Variants in SETD4 observed in about 807,000 individuals in gnomAD.
SETD4 encodes SET domain-containing protein 4.
Under a neutral mutation model 58.3 loss-of-function variants are expected in SETD4, and 46 were observed. The observed-to-expected ratio is 0.79, with a 90% CI of 0.62 to 1.01. SETD4 has a LOEUF of 1.01. Ranked by LOEUF, SETD4 falls within the 50% of genes least tolerant of loss-of-function variation. The pLI, the probability that SETD4 is intolerant of heterozygous loss-of-function variation, is 0.00. For missense variants in SETD4, 490 were observed against 523.3 expected (o/e 0.94, Z 0.62); for synonymous variants, 190 against 202.6 (o/e 0.94, Z 0.53).
rs892412540 is a variant in SETD4 at position 36,058,792 on chromosome 21, C to T, written c.73+24G>A. 3 of 1,571,818 alleles carry T rather than the reference C, an allele frequency of 1.9e-6. No homozygotes were observed. In the Admixed American group the frequency reaches 6.2e-5, roughly 32 times the overall value. On this transcript the variant is annotated intron_variant, in intron 2 of 11. Transcript: ENST00000332131. ...CACAAAAGGATTTCTTTTTTCATTACTGGTACTAAAAGAAAAACCATACCT... is the reference window on the plus strand; with the variant it reads ...CACAAAAGGATTTCTTTTTTCATTATTGGTACTAAAAGAAAAACCATACCT...
intron 4 of SETD4, chr21:36,050,394 C>A (rs1456982407): frequency 1.2e-6 from 2 of 1,614,058 alleles, no homozygotes; most frequent in Non-Finnish European, 1.7e-6. Context: ...AAACTTGGGT[C>A]TGCGGATCAA....
Position 36,041,873 on chromosome 21 carries a change from TA to T in SETD4, c.916del (p.Tyr306IlefsTer16). The T allele has an allele frequency of 4.8e-6, 7 of 1,461,104 alleles. No homozygotes were observed. The South Asian group carries it at 7.7e-5, about 16-fold the overall frequency. 90.5% of individuals were successfully genotyped at this position (1,461,104 alleles called of 1,614,324 possible). ...VYVSREILVK[Y>X]LPSTDKQMDK... ...CATCTGTTTATCTGTTGATGGAAGA[TA>T]TTTAACAAGTATTTCTATATTCAAA... On this transcript the variant is annotated frameshift_variant, in exon 8 of 12. Transcript: ENST00000332131. LOFTEE classifies it high-confidence loss of function.
At chr21:36,051,995 C>CA (rs777138842) in intron 4 of SETD4, among the ~76,000 whole-genome samples, 40 of 142,150 alleles carry the variant, frequency 2.8e-4, no homozygotes, top group Middle Eastern at 3.5e-3. Flanking sequence ...TTCTTAATGA[C>CA]AAAAAAAAAA....
At chr21:36,049,731 T>G (rs2064544114) in intron 4 of SETD4, among the ~76,000 whole-genome samples, 1 of 152,260 alleles carries the variant, frequency 6.6e-6, no homozygotes, top group African/African-American at 2.4e-5. Context: ...ATGCAAACTG[T>G]ACACTTCACT....
intron 7 of SETD4, 174 bp downstream of exon 7, chr21:36,043,608 T>G: frequency 7.1e-7 from 1 of 1,411,592 alleles, no homozygotes; most frequent in Non-Finnish European, 9.2e-7. Context: ...TTGTTTTTAC[T>G]TCAACACTGA....
chr21:36,053,582 C>T lies in SETD4; in HGVS notation c.207+1G>A. 2 of 1,614,076 alleles carry T rather than the reference C, an allele frequency of 1.2e-6. No individual in the cohort carries two copies. Among genetic ancestry groups the T allele is most frequent in the Non-Finnish European group, 1.7e-6 (2 of 1,179,992 alleles). The stretch of plus-strand genomic sequence containing the variant: ...TTCAAGGATCAAAGAACAGTTCTCA[C>T]CTGCAGGGATGTTTGACTCATCAGC... On this transcript the variant is annotated splice_donor_variant, in intron 4 of 11. Transcript: ENST00000332131. LOFTEE classifies it high-confidence loss of function.
Position 36,058,816 on chromosome 21 carries a change from C to G in SETD4, c.73G>C (p.Val25Leu). ...ACTGGTACTAAAAGAAAAACCATAC[C>G]TCCTCTTGATTCAGAACTTCCGCAG... Reference protein sequence around the residue: ...KLCGSSESRGVNESHKSEFIE... With the variant: ...KLCGSSESRGLNESHKSEFIE... The change falls in exon 2 of 12, where the codon GTG (valine) becomes CTG (leucine). Residue 25 changes from valine to leucine, a missense_variant and splice_region_variant. Val to Leu is a conservative substitution (Grantham distance 32). Coordinates refer to ENST00000332131, the MANE Select transcript of SETD4 (RefSeq NM_017438.5). 6.3e-7 allele frequency: 1 copy of G among 1,595,754 alleles called. No homozygotes were observed. The highest frequency in any genetic ancestry group is 8.5e-7 in the Non-Finnish European group (1 of 1,173,928).
rs1347151020 is a variant in SETD4 at position 36,058,989 on chromosome 21, T to C, written c.-36-65A>G. The C allele has an allele frequency of 4.2e-6, 6 of 1,441,288 alleles. No individual in the cohort carries two copies. In the African/African-American group the frequency reaches 8.6e-5, roughly 21 times the overall value. The allele number at this position is 1,441,288 out of a possible 1,614,324, so 89.3% of individuals were successfully genotyped here. On this transcript the variant is annotated intron_variant, in intron 1 of 11. Transcript: ENST00000332131. ...AATGCTCAATCTAAAATAAAAAACATTTCTTTGATTTACTTTCCAGTTATA... is the reference window on the plus strand; with the variant it reads ...AATGCTCAATCTAAAATAAAAAACACTTCTTTGATTTACTTTCCAGTTATA...
intron 7 of SETD4, 65 bp from the exon 8 acceptor site, chr21:36,041,953 CCTTCT>C: frequency 1.2e-6 from 1 of 821,090 alleles, no homozygotes; most frequent in Non-Finnish European, 1.9e-6. Flanking sequence ...GTCTCCCTTC[CCTTCT>C]CAACTCACTT....
chr21:36,046,546 A>T (rs967318107), intron 5 of SETD4, among the ~76,000 whole-genome samples: 5 of 152,258 alleles, frequency 3.3e-5, no homozygotes, highest in East Asian at 1.9e-4. Flanking sequence ...ATAGCCATTC[A>T]GAGCTAGTGG....
intron 5 of SETD4, among the ~76,000 whole-genome samples, chr21:36,046,884 C>T (rs1371065810): frequency 1.3e-5 from 2 of 152,200 alleles, no homozygotes; most frequent in Non-Finnish European, 2.9e-5. Flanking sequence ...ATTGTCTCTA[C>T]ACAGGCCTAA....
chr21:36,053,440 G>A, intron 4 of SETD4, 143 bp downstream of exon 4: 1 of 816,952 alleles, frequency 1.2e-6, no homozygotes, highest in Non-Finnish European at 2.0e-6. Flanking sequence ...AATCCTAGTT[G>A]ATAGAACCAT....
chr21:36,051,259 C>G (rs2064666380), intron 4 of SETD4: 1 of 1,600,332 alleles, frequency 6.2e-7, no homozygotes, highest in Non-Finnish European at 8.6e-7. Context: ...AGTGCAAGTT[C>G]CAGCTCTGTT....
chr21:36,048,717 CT>C (rs5843739), intron 4 of SETD4, among the ~76,000 whole-genome samples: 80 of 129,722 alleles, frequency 6.2e-4, no homozygotes, highest in East Asian at 2.9e-3. Flanking sequence ...TGTTTCTTCA[CT>C]TTTTTTTTTT....
intron 4 of SETD4, chr21:36,050,755 T>G (rs530647687): frequency 1.2e-6 from 2 of 1,612,614 alleles, no homozygotes; most frequent in African/African-American, 2.7e-5. Flanking sequence ...TTGGCTGATC[T>G]AAGCCATCTT....
chr21:36,038,461 AGAG>A (rs927736598), intron 9 of SETD4, among the ~76,000 whole-genome samples, 188 bp from the exon 10 acceptor site: 10 of 152,188 alleles, frequency 6.6e-5, no homozygotes, highest in African/African-American at 2.2e-4. Context: ...AGGTAATGAG[AGAG>A]GAGGAGGAGG....
At chr21:36,050,688 A>G in intron 4 of SETD4, 1 of 1,607,222 alleles carries the variant, frequency 6.2e-7, no homozygotes, top group Non-Finnish European at 8.5e-7. Context: ...AATGGTAGTA[A>G]AGAATACGCG....
chr21:36,058,724 A>G, intron 2 of SETD4, 92 bp downstream of exon 2: 3 of 1,255,556 alleles, frequency 2.4e-6, no homozygotes, highest in South Asian at 1.6e-5. Flanking sequence ...TCTCAGAAAA[A>G]AGAAAGAAAG....
At chr21:36,049,857 T>C (rs1039943062) in intron 4 of SETD4, among the ~76,000 whole-genome samples, 1 of 152,238 alleles carries the variant, frequency 6.6e-6, no homozygotes. Flanking sequence ...AAACAAAAAC[T>C]ACCTGTAGTT....
Sources: allele counts gnomAD v4.1 joint callset (sites outside exome capture counted in the v4.1 genomes callset), GRCh38; gene constraint gnomAD v4.1.1; transcripts MANE v1.5; gene names NCBI Gene and HGNC (gene_info 2026-07-23, HGNC 2026-07-21).